Variants in ADGRE3 observed in about 807,000 individuals in gnomAD.
ADGRE3 encodes EGF-like module receptor 3.
In ADGRE3, 88 loss-of-function variants were observed where a neutral mutation model predicts 80.1. That is an observed-to-expected ratio of 1.10 (90% CI 0.93 to 1.31). ADGRE3 has a LOEUF of 1.31. Ranked by LOEUF, ADGRE3 falls within the 40% of genes most tolerant of loss-of-function variation. The probability of loss-of-function intolerance (pLI) is 0.00; values close to 1 mark genes in which losing one functional copy is unlikely to be tolerated. For synonymous variants in ADGRE3, 281 were observed against 294.8 expected (o/e 0.95, Z 0.48); for missense variants, 715 against 776.5 (o/e 0.92, Z 0.94).
chr19:14,607,546 T>TTTA, the ADGRE3 span, among the ~76,000 whole-genome samples: 559 of 133,784 alleles, frequency 4.2e-3, 5 homozygotes, highest in African/African-American at 0.018. Context: ...TTTTATTTTA[T>TTTA]TTTATTATTT....
the ADGRE3 span, chr19:14,606,874 G>A: frequency 1.1e-4 from 42 of 370,338 alleles, no homozygotes; most frequent in Middle Eastern, 3.0e-3. Flanking sequence ...TGGGGACGGG[G>A]ACGGGTTGTG....
the ADGRE3 span, among the ~76,000 whole-genome samples, chr19:14,607,541 TTTTATTTTATTA>T: frequency 3.2e-4 from 47 of 146,012 alleles, no homozygotes; most frequent in African/African-American, 1.1e-3. Flanking sequence ...ACTTGTTTTA[TTTTATTTTATTA>T]TTTATTTATT....
At position 14,648,288 on chromosome 19, in the gene ADGRE3, C is replaced by T. The variant is rs560237955; in HGVS notation, c.698-923G>A. ...TGCTGATTAATTCTGCTGTAAGCAT[C>T]GGTGATTCTGCCTGGGAACTTCCAT... On this transcript the variant is annotated intron_variant, in intron 7 of 15. Transcript: ENST00000253673. Among the ~76,000 whole-genome samples the T allele has an allele frequency of 1.4e-4, 22 of 152,200 alleles. No individual in the cohort carries two copies. In the East Asian group the frequency reaches 3.7e-3, roughly 25 times the overall value.
chr19:14,600,310 C>A, the ADGRE3 span: 2 of 1,119,226 alleles, frequency 1.8e-6, no homozygotes, highest in Non-Finnish European at 2.5e-6. Flanking sequence ...AAAACTTTAA[C>A]AGCAAGCTCT....
intron 2 of ADGRE3, among the ~76,000 whole-genome samples, chr19:14,665,936 G>GTATATATATGCATATATATATATA (rs71166783): frequency 7.1e-5 from 3 of 42,104 alleles, no homozygotes; most frequent in African/African-American, 3.4e-4. Flanking sequence ...ACACATATGT[G>GTATATATATGCATATATATATATA]TATATATATA....
intron 4 of ADGRE3, 132 bp downstream of exon 4, chr19:14,661,831 C>A: frequency 1.1e-6 from 1 of 873,862 alleles, no homozygotes; most frequent in Admixed American, 2.4e-5. Flanking sequence ...GCCCGGGAGG[C>A]GGAGGTTTCA....
In ADGRE3 at chr19:14,623,303, A is replaced by T. The variant is rs1440943861; in HGVS notation, c.1920+2189T>A. On this transcript the variant is annotated intron_variant, in intron 15 of 15. Coordinates refer to ENST00000253673, the MANE Select transcript of ADGRE3 (RefSeq NM_032571.5). Reference sequence around the variant, plus strand: ...AAATACTTAAAAAAAAAAAAATAAAAAAAAAAAAAAATAAAACTCCTGGAC... The same window carrying T: ...AAATACTTAAAAAAAAAAAAATAAATAAAAAAAAAAATAAAACTCCTGGAC... 1.5e-4 allele frequency among the ~76,000 whole-genome samples: 4 copies of T among 27,416 alleles called. 2 individuals are homozygous for T. The highest frequency in any genetic ancestry group is 1.7e-4 in the Non-Finnish European group (2 of 11,544). 18.0% of individuals were successfully genotyped at this position (27,416 alleles called of 152,430 possible).
intron 14 of ADGRE3, among the ~76,000 whole-genome samples, chr19:14,629,789 G>A (rs998497348): frequency 2.6e-5 from 4 of 152,114 alleles, no homozygotes; most frequent in African/African-American, 7.2e-5. Context: ...TGACTATTAC[G>A]AGTGGGAAAA....
At chr19:14,652,215 A>G (rs1235773114) in intron 6 of ADGRE3, among the ~76,000 whole-genome samples, 1 of 152,194 alleles carries the variant, frequency 6.6e-6, no homozygotes. Context: ...TGTGGTGATC[A>G]TTCCACAGTA....
intron 9 of ADGRE3, among the ~76,000 whole-genome samples, chr19:14,643,885 A>C (rs1472557979): frequency 6.6e-6 from 1 of 151,784 alleles, no homozygotes; most frequent in Non-Finnish European, 1.5e-5. Flanking sequence ...GAATTTTTGT[A>C]TTTTTAGCAG....
chr19:14,629,973 C>T (rs1970832885), intron 14 of ADGRE3, 66 bp downstream of exon 14: 1 of 1,033,878 alleles, frequency 9.7e-7, no homozygotes, highest in African/African-American at 1.6e-5. Flanking sequence ...CAACTTAAAT[C>T]CCCATTGAAC....
chr19:14,619,187 A>G lies in ADGRE3; in HGVS notation c.*246T>C. ...TACAAAAAGTCAAGGAAATATTTGC[A>G]GTGGTCATGCTTTGGGTTTCCAGGG... On this transcript the variant is annotated 3_prime_UTR_variant, in exon 16 of 16. Transcript: ENST00000253673. The G allele has an allele frequency of 2.1e-6, 1 of 487,290 alleles. No individual in the cohort carries two copies. Among genetic ancestry groups the G allele is most frequent in the South Asian group, 2.5e-5 (1 of 39,298 alleles). 30.2% of individuals were successfully genotyped at this position (487,290 alleles called of 1,614,324 possible). A position where few individuals can be genotyped will look rare whatever the true frequency, so the allele number is the denominator to read the frequency against.
In ADGRE3 at chr19:14,630,039, C is replaced by T; in HGVS notation, c.1812G>A (p.Gln604=). 1 of 1,600,610 alleles carries T rather than the reference C, an allele frequency of 6.2e-7. No individual in the cohort carries two copies. ...AACAAAGAAAGGGGTCAGTGTTTAC[C>T]TGCTGGCTGAGGAGGCAGTAGACCA... The part of the protein sequence containing the change: ...IFLVYCLLSQ[Q]VQKQYQKWFR... Residue 604 remains glutamine (Q), a splice_region_variant and synonymous_variant, in exon 14 of 16, where the codon CAG becomes CAA. Transcript: ENST00000253673.
chr19:14,618,127 C>T (rs1047180992), downstream of ADGRE3, among the ~76,000 whole-genome samples: 3 of 151,864 alleles, frequency 2.0e-5, no homozygotes, highest in African/African-American at 4.8e-5. Flanking sequence ...TTTATATAGA[C>T]AAAAATATAT....
chr19:14,673,877 CCTT>C (rs1972319077), intron 1 of ADGRE3, among the ~76,000 whole-genome samples: 2 of 152,128 alleles, frequency 1.3e-5, no homozygotes, highest in African/African-American at 4.8e-5. Context: ...TTTCCACTGT[CCTT>C]CTACTCCCTC....
At chr19:14,664,131 G>A (rs976185457) in intron 2 of ADGRE3, among the ~76,000 whole-genome samples, 5 of 152,124 alleles carry the variant, frequency 3.3e-5, no homozygotes, top group Middle Eastern at 3.4e-3. Flanking sequence ...GTGAAACCCC[G>A]TCTCTACTAA....
chr19:14,647,410 C>CTTTT (rs35043921), intron 7 of ADGRE3, 45 bp from the exon 8 acceptor site: 75 of 941,540 alleles, frequency 8.0e-5, no homozygotes, highest in Admixed American at 2.0e-4. Flanking sequence ...TCTTTTCTTT[C>CTTTT]TTTTTTTTTT....
downstream of ADGRE3, among the ~76,000 whole-genome samples, chr19:14,617,377 C>CCTTTCTTT (rs1312546722): frequency 3.5e-5 from 3 of 86,362 alleles, no homozygotes; most frequent in South Asian, 4.2e-4. Flanking sequence ...TTTCTTTCTT[C>CCTTTCTTT]CTTTCTTTCT....
chr19:14,632,746 A>G (rs773688999), intron 13 of ADGRE3, among the ~76,000 whole-genome samples, 175 bp downstream of exon 13: 1 of 149,580 alleles, frequency 6.7e-6, no homozygotes, highest in Non-Finnish European at 1.5e-5. Context: ...TTTCTTTATC[A>G]CAGCAGCTTA....
Sources: gnomAD v4.1 joint callset for allele counts (sites outside exome capture counted in the v4.1 genomes callset) on GRCh38, gnomAD v4.1.1 for gene constraint, MANE v1.5 for transcripts, NCBI Gene and HGNC (gene_info 2026-07-23, HGNC 2026-07-21) for gene names.